JMJD1C: variants seen among roughly 807,000 people sequenced by gnomAD.
JMJD1C encodes the protein jumonji domain containing 1C.
Under a neutral mutation model 245.3 loss-of-function variants are expected in JMJD1C, and 31 were observed. The ratio of observed to expected loss-of-function variants is 0.13; its 90% CI spans 0.09 to 0.17. The LOEUF (loss-of-function observed/expected upper bound fraction) is 0.17, where lower values mean the gene tolerates loss of function less well. JMJD1C is among the 10% of genes least tolerant of loss of function. JMJD1C has a pLI of 1.00. For missense variants in JMJD1C, 2,691 were observed against 3,000.2 expected (o/e 0.90, Z 2.41); for synonymous variants, 1,057 against 1,017.4 (o/e 1.04, Z -0.74).
In JMJD1C at chr10:63,208,280, G is replaced by C; in HGVS notation, c.3389C>G (p.Ala1130Gly). The change falls in exon 10 of 26, where the codon GCA (alanine) becomes GGA (glycine). Residue 1130 changes from alanine to glycine, a missense_variant. Physicochemically the swap from Ala to Gly is moderately conservative, Grantham distance 60. Transcript: ENST00000399262. ...TGAAGTCAGAGTTTGAGGATTAGCT[G>C]CTGCCGCTGCAAGGGCATTACTCTG... ...DKQSNALAAAAANPQTLTSFI... is the reference protein window; with the variant it reads ...DKQSNALAAAGANPQTLTSFI... 6.2e-7 allele frequency: 1 copy of C among 1,614,076 alleles called. No individual in the cohort carries two copies. Among genetic ancestry groups the C allele is most frequent in the Non-Finnish European group, 8.5e-7 (1 of 1,179,984 alleles).
intron 2 of JMJD1C, among the ~76,000 whole-genome samples, chr10:63,315,661 G>A (rs969442605): frequency 2.6e-5 from 4 of 151,792 alleles, no homozygotes; most frequent in African/African-American, 9.7e-5. Flanking sequence ...CCAACATGGT[G>A]AAACCCTGTC....
intron 1 of JMJD1C, among the ~76,000 whole-genome samples, chr10:63,453,730 GTTTT>G (rs775323784): frequency 7.3e-5 from 11 of 151,490 alleles, no homozygotes; most frequent in African/African-American, 1.7e-4. Flanking sequence ...AAAAGCAATA[GTTTT>G]TTTTTGTTTT....
At chr10:63,408,714 T>C (rs1448044205) in intron 1 of JMJD1C, among the ~76,000 whole-genome samples, 1 of 125,104 alleles carries the variant, frequency 8.0e-6, no homozygotes. Context: ...TGTAGGGTGG[T>C]TTTTTTTTTT....
At chr10:63,509,182 A>C (rs1466984177) in intron 1 of JMJD1C, among the ~76,000 whole-genome samples, 1 of 152,144 alleles carries the variant, frequency 6.6e-6, no homozygotes, top group Non-Finnish European at 1.5e-5. Flanking sequence ...TATTGACACA[A>C]CCCTGTGATT....
intron 1 of JMJD1C, among the ~76,000 whole-genome samples, chr10:63,432,206 A>G (rs1950800488): frequency 6.6e-6 from 1 of 152,192 alleles, no homozygotes; most frequent in Non-Finnish European, 1.5e-5. Flanking sequence ...GCCATTTTCT[A>G]TACATCTGAT....
Position 63,214,297 on chromosome 10 carries a change from TTA to T in JMJD1C, c.1868_1869del (p.Ile623LysfsTer3). ...TCTACTGAAGTATTAAGTTTAGATT[TTA>T]TAGTCTCTGGAGGTGGACTTCGCTT... is the stretch of plus-strand genomic sequence containing the variant. ...LHKRSPPPETIKSKLNTSVDT... is the reference protein window; with the variant it reads ...LHKRSPPPETXKSKLNTSVDT... On this transcript the variant is annotated frameshift_variant, in exon 8 of 26. Coordinates refer to ENST00000399262, the MANE Select transcript of JMJD1C (RefSeq NM_032776.3). LOFTEE classifies it high-confidence loss of function. 6.2e-7 allele frequency: 1 copy of T among 1,614,128 alleles called. No individual in the cohort carries two copies. The highest frequency in any genetic ancestry group is 8.5e-7 in the Non-Finnish European group (1 of 1,179,992).
At position 63,214,728 on chromosome 10, in the gene JMJD1C, G is replaced by A. The variant is rs1564622964; in HGVS notation, c.1439C>T (p.Pro480Leu). Reference sequence around the variant, plus strand: ...TGTTTTATCCATATTGCATTCCTGAGGAAGTAAATCATTAGAATTATGATC... The same window carrying A: ...TGTTTTATCCATATTGCATTCCTGAAGAAGTAAATCATTAGAATTATGATC... The part of the protein sequence containing the change: ...VSDHNSNDLL[P>L]QECNMDKTHT... Residue 480 changes from proline to leucine, a missense_variant, in exon 8 of 26, where the codon CCT becomes CTT. Pro to Leu is a moderately conservative substitution (Grantham distance 98, BLOSUM62 -3). Coordinates refer to ENST00000399262, the MANE Select transcript of JMJD1C (RefSeq NM_032776.3). 11 of 1,613,846 alleles carry A rather than the reference G, an allele frequency of 6.8e-6. No homozygotes were observed. The highest frequency in any genetic ancestry group is 9.3e-6 in the Non-Finnish European group (11 of 1,179,890).
chr10:63,308,318 A>T (rs1418910058), intron 2 of JMJD1C, among the ~76,000 whole-genome samples: 1 of 152,168 alleles, frequency 6.6e-6, no homozygotes, highest in South Asian at 2.1e-4. Flanking sequence ...CTAGGAGATG[A>T]TATCTCAAAA....
At chr10:63,390,337 A>C (rs990362356) in intron 1 of JMJD1C, among the ~76,000 whole-genome samples, 1 of 152,154 alleles carries the variant, frequency 6.6e-6, no homozygotes, top group Non-Finnish European at 1.5e-5. Context: ...AGGAAGAAAT[A>C]GAAAATCTAA....
At chr10:63,331,703 C>G (rs571834697) in intron 2 of JMJD1C, among the ~76,000 whole-genome samples, 6 of 152,184 alleles carry the variant, frequency 3.9e-5, no homozygotes, top group Non-Finnish European at 8.8e-5. Flanking sequence ...ACCTCTGCTT[C>G]CCAGGTTCAA....
Position 63,214,369 on chromosome 10 carries a change from T to C in JMJD1C, c.1798A>G (p.Ile600Val), listed in dbSNP as rs374685297. Reference sequence around the variant, plus strand: ...ACAGAAACTGCACTTAAAGGAGAAATGTAAGAGACATACTTCTCTTTTTCC... The same window carrying C: ...ACAGAAACTGCACTTAAAGGAGAAACGTAAGAGACATACTTCTCTTTTTCC... The part of the protein sequence containing the change: ...NMEKEKYVSY[I>V]SPLSAVSVME... Residue 600 changes from isoleucine (I) to valine (V), a missense_variant, in exon 8 of 26, where the codon ATT (isoleucine) becomes GTT (valine). Physicochemically the swap from Ile to Val is conservative, Grantham distance 29. Around this residue, in one of 9 missense-constraint regions of JMJD1C, gnomAD observed 1,562 missense variants for 1,490.7 expected, o/e 1.05. Coordinates refer to ENST00000399262, the MANE Select transcript of JMJD1C (RefSeq NM_032776.3). The C allele has an allele frequency of 2.9e-5, 47 of 1,613,922 alleles. No individual in the cohort carries two copies. The African/African-American group carries it at 4.8e-4, about 16-fold the overall frequency.
At chr10:63,394,729 A>G (rs1948344630) in intron 1 of JMJD1C, among the ~76,000 whole-genome samples, 1 of 152,096 alleles carries the variant, frequency 6.6e-6, no homozygotes, top group Non-Finnish European at 1.5e-5. Flanking sequence ...CTGCAATCCC[A>G]GCTACTTGGG....
Position 63,189,151 on chromosome 10 carries a change from C to G in JMJD1C, c.6570+17G>C. On this transcript the variant is annotated intron_variant, in intron 18 of 25. Coordinates refer to ENST00000399262, the MANE Select transcript of JMJD1C (RefSeq NM_032776.3). Reference sequence around the variant, plus strand: ...CAGTTCCACCAAGAGTGTTCTTTATCAGCCTAAAATACACACCTGTCCTTG... The same window carrying G: ...CAGTTCCACCAAGAGTGTTCTTTATGAGCCTAAAATACACACCTGTCCTTG... The G allele has an allele frequency of 6.4e-7, 1 of 1,573,240 alleles. No homozygotes were observed. The highest frequency in any genetic ancestry group is 1.2e-5 in the South Asian group (1 of 83,828).
chr10:63,211,279 G>GCA (rs2133190557), intron 8 of JMJD1C, among the ~76,000 whole-genome samples: 1 of 151,948 alleles, frequency 6.6e-6, no homozygotes, highest in South Asian at 2.1e-4. Flanking sequence ...AGCCTGGCCA[G>GCA]CATAGTGAAA....
chr10:63,520,543 G>C (rs971437184), intron 1 of JMJD1C, among the ~76,000 whole-genome samples: 1 of 148,574 alleles, frequency 6.7e-6, no homozygotes, highest in Admixed American at 6.7e-5. Context: ...GTCTGCCCTT[G>C]AAATGATATT....
intron 24 of JMJD1C, among the ~76,000 whole-genome samples, chr10:63,170,357 A>G (rs1842233637): frequency 1.3e-5 from 2 of 152,180 alleles, no homozygotes; most frequent in Admixed American, 6.5e-5. Flanking sequence ...GCATCTGAAC[A>G]TTACAATGGG....
chr10:63,507,659 A>AAC (rs1243781355), intron 1 of JMJD1C, among the ~76,000 whole-genome samples: 1 of 150,570 alleles, frequency 6.6e-6, no homozygotes, highest in Non-Finnish European at 1.5e-5. Flanking sequence ...AAAAAAAAAA[A>AAC]AAAACAGTGG....
intron 1 of JMJD1C, among the ~76,000 whole-genome samples, chr10:63,499,004 C>T (rs1954450217): frequency 6.6e-6 from 1 of 152,210 alleles, no homozygotes; most frequent in African/African-American, 2.4e-5. Context: ...GCTTATTTCA[C>T]TGACACAGTG....
intron 1 of JMJD1C, among the ~76,000 whole-genome samples, chr10:63,410,351 C>CTACT (rs1219861026): frequency 3.3e-5 from 5 of 152,148 alleles, no homozygotes; most frequent in African/African-American, 1.2e-4. Context: ...TTTGTGATCT[C>CTACT]TACTTAGTCT....
Sources: allele counts gnomAD v4.1 joint callset (sites outside exome capture counted in the v4.1 genomes callset), GRCh38; gene constraint gnomAD v4.1.1; regional missense constraint gnomAD v4.1.1; transcripts MANE v1.5; gene names NCBI Gene and HGNC (gene_info 2026-07-23, HGNC 2026-07-21).